The following FHAD1 variants were observed in gnomAD, a reference collection of about 807,000 sequenced individuals.
The protein encoded by FHAD1 is forkhead-associated domain-containing protein 1.
In FHAD1, 146 loss-of-function variants were observed where a neutral mutation model predicts 191.3. That is an observed-to-expected ratio of 0.76 (90% confidence interval 0.67 to 0.88). FHAD1 has a LOEUF of 0.88. FHAD1 is among the 40% of genes least tolerant of loss of function. The pLI, the probability that FHAD1 is intolerant of heterozygous loss-of-function variation, is 0.00. For synonymous variants in FHAD1, 616 were observed against 672.3 expected, an observed-to-expected ratio of 0.92 and a Z score of 1.29; for missense variants, 1,635 against 1,785.8, an observed-to-expected ratio of 0.92 and a Z score of 1.52.
chr1:15,369,202 C>A (rs1697403681), intron 25 of FHAD1, among the ~76,000 whole-genome samples, 168 bp from the exon 26 acceptor site: 1 of 152,218 alleles, frequency 6.6e-6, no homozygotes. Flanking sequence ...GCCACTCTCC[C>A]ATAAGTCCCC....
rs1224811122 is a variant in FHAD1 at position 15,376,068 on chromosome 1, TATTTATTTA to T, written c.3705+339_3705+347del. Among the ~76,000 whole-genome samples the T allele has an allele frequency of 1.3e-3, 131 of 99,236 alleles. 1 individual carries two copies. Among genetic ancestry groups the T allele is most frequent in the African/African-American group, 5.4e-3 (128 of 23,576 alleles). The allele number at this position is 99,236 out of a possible 152,430, so 65.1% of individuals were successfully genotyped here. A position where few individuals can be genotyped will look rare whatever the true frequency, so the allele number is the denominator to read the frequency against. ...TATTTTATTTATTTATTTATTTATT[TATTTATTTA>T]TTTTTTTATTTATTTTTTTATTTAT... On this transcript the variant is annotated intron_variant, in intron 28 of 33. Transcript: ENST00000688493.
At chr1:15,324,429 A>G in intron 10 of FHAD1, 23 bp from the exon 11 acceptor site, 2 of 1,509,176 alleles carry the variant, frequency 1.3e-6, no homozygotes, top group Non-Finnish European at 1.8e-6. Flanking sequence ...AGCAGCAAGT[A>G]CTCGCTTTCA....
chr1:15,380,909 A>G (rs1046824791), intron 29 of FHAD1, 113 bp downstream of exon 29: 11 of 770,930 alleles, frequency 1.4e-5, no homozygotes, highest in Non-Finnish European at 2.3e-5. Flanking sequence ...TAGTTACTCT[A>G]ATAACTCTGC....
At chr1:15,298,169 A>G (rs1239192764) in intron 5 of FHAD1, among the ~76,000 whole-genome samples, 2 of 152,240 alleles carry the variant, frequency 1.3e-5, no homozygotes, top group African/African-American at 2.4e-5. Flanking sequence ...AAACTGTGGT[A>G]TATATATTCA....
intron 1 of FHAD1, among the ~76,000 whole-genome samples, chr1:15,249,155 A>G (rs1646462095): frequency 6.6e-6 from 1 of 152,194 alleles, no homozygotes; most frequent in African/African-American, 2.4e-5. Flanking sequence ...AATGACAGAG[A>G]ATGATAAGCT....
Position 15,317,922 on chromosome 1 carries a change from A to T in FHAD1, c.1359A>T (p.Lys453Asn). ...QSVISRTLRE[K>N]SKVEEKLQED... The stretch of plus-strand genomic sequence containing the variant: ...TGATCTCTAGGACTCTGAGAGAAAA[A>T]AGCAAGGTACGTAGTGGACAACAGG... Residue 453 changes from lysine to asparagine, a missense_variant, in exon 10 of 34, where the codon AAA (lysine) becomes AAT (asparagine). Physicochemically the swap from Lys to Asn is moderately conservative, Grantham distance 94. Coordinates refer to ENST00000688493, the MANE Select transcript of FHAD1 (RefSeq NM_001391957.1). The T allele has an allele frequency of 6.5e-7, 1 of 1,550,256 alleles. No individual in the cohort carries two copies. The highest frequency in any genetic ancestry group is 2.4e-5 in the East Asian group (1 of 40,914).
Position 15,312,919 on chromosome 1 carries a change from C to T in FHAD1, c.1040-138C>T, listed in dbSNP as rs1672733475. On this transcript the variant is annotated intron_variant, in intron 7 of 33. Coordinates refer to ENST00000688493, the MANE Select transcript of FHAD1 (RefSeq NM_001391957.1). The surrounding 1 kb of genome is among the most constrained non-coding windows in gnomAD (Gnocchi z 4.7). ...AATGATGTGCAGTGGATATTGGTCT[C>T]AACCCCATTCAAGCTCCTGGGATCC... The T allele has an allele frequency of 4.8e-6, 5 of 1,039,040 alleles. No homozygotes were observed. 64.4% of individuals were successfully genotyped at this position (1,039,040 alleles called of 1,614,324 possible). A position where few individuals can be genotyped will look rare whatever the true frequency, so the allele number is the denominator to read the frequency against.
At chr1:15,319,459 G>C (rs895569524) in intron 10 of FHAD1, among the ~76,000 whole-genome samples, 3 of 152,052 alleles carry the variant, frequency 2.0e-5, no homozygotes, top group African/African-American at 7.3e-5. Flanking sequence ...TAAAACTTAA[G>C]AGAAAAATCA....
At chr1:15,383,717 G>C in intron 31 of FHAD1, 1 of 302,108 alleles carries the variant, frequency 3.3e-6, no homozygotes. Context: ...CTCCAGGCCA[G>C]GGACTGGGCT....
chr1:15,384,608 T>C (rs1347660014), intron 31 of FHAD1: 3 of 152,164 alleles, frequency 2.0e-5, no homozygotes, highest in Non-Finnish European at 2.9e-5. Context: ...GCACACACAA[T>C]GCGGGCTGGC....
At chr1:15,323,063 C>T (rs920653260) in intron 10 of FHAD1, among the ~76,000 whole-genome samples, 1 of 152,166 alleles carries the variant, frequency 6.6e-6, no homozygotes, top group Non-Finnish European at 1.5e-5. Flanking sequence ...AGGAGAACAG[C>T]ACGGGAAAGT....
rs200451973 is a variant in FHAD1, at chr1:15,337,782, G to A, written c.1907-1699G>A. 7.2e-5 allele frequency among the ~76,000 whole-genome samples: 11 copies of A among 151,822 alleles called. No homozygotes were observed. The East Asian group carries it at 1.9e-3, about 27-fold the overall frequency. On this transcript the variant is annotated intron_variant, in intron 14 of 33. Transcript: ENST00000688493. Reference sequence around the variant, plus strand: ...ATTTTTCTTTAAAAAAAAAAACAACGCTCTTCATCAGGCCACTTCACTGTT... The same window carrying A: ...ATTTTTCTTTAAAAAAAAAAACAACACTCTTCATCAGGCCACTTCACTGTT...
intron 14 of FHAD1, among the ~76,000 whole-genome samples, chr1:15,336,937 T>A (rs1684400884): frequency 6.6e-6 from 1 of 152,192 alleles, no homozygotes. Context: ...AACGAGGGTG[T>A]TTTCTCCTGT....
At chr1:15,391,314 T>G (rs1330753334) in intron 33 of FHAD1, 51 bp downstream of exon 33, 23 of 1,175,948 alleles carry the variant, frequency 2.0e-5, no homozygotes, top group Non-Finnish European at 2.4e-5. Flanking sequence ...TGTTTTGTTT[T>G]GTTTTGTTTT....
At chr1:15,306,556 T>C (rs1293779118) in intron 6 of FHAD1, among the ~76,000 whole-genome samples, 3 of 152,226 alleles carry the variant, frequency 2.0e-5, no homozygotes, top group Admixed American at 2.0e-4. Context: ...AAAGTGGTTT[T>C]GTGGGCCAGG....
At chr1:15,301,760 G>A (rs1389067309) in intron 6 of FHAD1, among the ~76,000 whole-genome samples, 1 of 152,184 alleles carries the variant, frequency 6.6e-6, no homozygotes, top group Non-Finnish European at 1.5e-5. Flanking sequence ...GGGCGCTGTG[G>A]CTCACACCTG....
chr1:15,374,850 T>TTTTG (rs1553314140), intron 27 of FHAD1, among the ~76,000 whole-genome samples: 25 of 105,052 alleles, frequency 2.4e-4, no homozygotes, highest in African/African-American at 1.3e-3. Flanking sequence ...TATTGTACGT[T>TTTTG]TTTTTTTTTG....
chr1:15,371,129 G>A (rs558327492), intron 26 of FHAD1, among the ~76,000 whole-genome samples: 24 of 152,296 alleles, frequency 1.6e-4, no homozygotes, highest in Admixed American at 4.6e-4. Context: ...TGGCACTCCT[G>A]TTGGAATCCC....
upstream of FHAD1, among the ~76,000 whole-genome samples, chr1:15,242,975 C>T (rs12568530): frequency 0.34 from 51,224 of 151,990 alleles, 9,324 homozygotes; most frequent in East Asian, 0.69. Flanking sequence ...AAACAAAATA[C>T]AACAAAAACC....
Sources: gnomAD v4.1 joint callset for allele counts (sites outside exome capture counted in the v4.1 genomes callset) on GRCh38, gnomAD v4.1.1 for gene constraint, Gnocchi (gnomAD v3.1) non-coding constraint, MANE v1.5 for transcripts, NCBI Gene and HGNC (gene_info 2026-07-23, HGNC 2026-07-21) for gene names.